The following TOMM20L variants were observed in gnomAD, a reference collection of about 807,000 sequenced individuals.
TOMM20L encodes the protein TOMM20-like protein 1.
A neutral mutation model predicts 20.4 loss-of-function variants in TOMM20L; 19 were observed. The observed-to-expected ratio is 0.93, with a 90% CI of 0.65 to 1.36. The LOEUF (loss-of-function observed/expected upper bound fraction) is 1.36, where lower values mean the gene tolerates loss of function less well. TOMM20L is among the 40% of genes most tolerant of loss of function. TOMM20L has a pLI of 0.00. For missense variants in TOMM20L, 218 were observed against 203.7 expected (o/e 1.07, Z -0.43); for synonymous variants, 75 against 79.6 (o/e 0.94, Z 0.30).
intron 4 of TOMM20L, 138 bp downstream of exon 4, chr14:58,407,606 T>C: frequency 1.1e-6 from 1 of 885,248 alleles, no homozygotes; most frequent in Non-Finnish European, 1.6e-6. Flanking sequence ...TTTTGGCTGC[T>C]TTAACACGAA....
At chr14:58,401,805 C>T (rs902767805) in intron 2 of TOMM20L, among the ~76,000 whole-genome samples, 3 of 152,146 alleles carry the variant, frequency 2.0e-5, no homozygotes, top group African/African-American at 7.2e-5. Flanking sequence ...GAACCAACCG[C>T]AGTAAACCAA....
chr14:58,409,646 T>C (rs904604237), downstream of TOMM20L, among the ~76,000 whole-genome samples: 3 of 151,872 alleles, frequency 2.0e-5, no homozygotes, highest in Non-Finnish European at 2.9e-5. Flanking sequence ...TGGCGTGATC[T>C]CGGCTCACTG....
At chr14:58,402,852 G>GCTAACACATCCAGCT in intron 3 of TOMM20L, 91 bp downstream of exon 3, 2 of 976,310 alleles carry the variant, frequency 2.0e-6, no homozygotes, top group Non-Finnish European at 3.2e-6. Context: ...TAACTAGCTG[G>GCTAACACATCCAGCT]ATGTGTTAGC....
downstream of TOMM20L, chr14:58,411,874 C>T: frequency 6.2e-7 from 1 of 1,609,152 alleles, no homozygotes; most frequent in Non-Finnish European, 8.5e-7. Flanking sequence ...CATTTTTTTG[C>T]AAAATCTTTT....
intron 2 of TOMM20L, among the ~76,000 whole-genome samples, chr14:58,399,410 C>G (rs1040259585): frequency 2.6e-5 from 4 of 152,060 alleles, no homozygotes; most frequent in African/African-American, 9.7e-5. Context: ...GACTGTCAGA[C>G]TTTAGGATCC....
At chr14:58,406,709 A>C (rs2036063289) in intron 3 of TOMM20L, among the ~76,000 whole-genome samples, 1 of 152,224 alleles carries the variant, frequency 6.6e-6, no homozygotes, top group African/African-American at 2.4e-5. Context: ...CCATGTTCTA[A>C]CTTAAACAGA....
rs369036862 is a variant in TOMM20L, at chr14:58,401,265, A to G, written c.181-1415A>G. On this transcript the variant is annotated intron_variant, in intron 2 of 4. Coordinates refer to ENST00000360945, the MANE Select transcript of TOMM20L (RefSeq NM_207377.3). ...GTTACTGATTATTAGTATATTTGAT[A>G]ATACAAGCTTAAAAGGTGACCCCTG... is the stretch of plus-strand genomic sequence containing the variant. Among the ~76,000 whole-genome samples the G allele has an allele frequency of 5.3e-5, 8 of 152,234 alleles. 1 individual carries two copies. The South Asian group carries it at 6.2e-4, about 12-fold the overall frequency.
chr14:58,396,146 G>A, intron 1 of TOMM20L, 53 bp downstream of exon 1: 1 of 1,278,236 alleles, frequency 7.8e-7, no homozygotes, highest in Non-Finnish European at 9.9e-7. Context: ...CGGGCGGGCT[G>A]CCGGCCGGGA....
downstream of TOMM20L, chr14:58,412,196 G>T: frequency 2.6e-6 from 1 of 388,492 alleles, no homozygotes; most frequent in East Asian, 5.0e-5. Context: ...AGGCTGGAGC[G>T]CAGTGGCGCC....
chr14:58,413,670 TC>T (rs1200320522), downstream of TOMM20L, among the ~76,000 whole-genome samples: 2 of 152,174 alleles, frequency 1.3e-5, no homozygotes, highest in African/African-American at 4.8e-5. Context: ...ATTTACTATA[TC>T]CTGGCTAGTT....
downstream of TOMM20L, among the ~76,000 whole-genome samples, chr14:58,412,749 A>T (rs576479259): frequency 1.1e-3 from 164 of 152,188 alleles, no homozygotes; most frequent in Non-Finnish European, 1.5e-3. Flanking sequence ...AAAAATACAA[A>T]AATTGGCCAG....
At chr14:58,401,684 C>G (rs2035995231) in intron 2 of TOMM20L, among the ~76,000 whole-genome samples, 1 of 152,042 alleles carries the variant, frequency 6.6e-6, no homozygotes, top group Non-Finnish European at 1.5e-5. Flanking sequence ...GCTGAAGTAA[C>G]TGGCAGTGGA....
rs1409850140 is a variant in TOMM20L at position 58,404,516 on chromosome 14, GT to G, written c.262+1766del. On this transcript the variant is annotated intron_variant, in intron 3 of 4. Transcript: ENST00000360945. The stretch of plus-strand genomic sequence containing the variant: ...TTCTGTTGTTGTTTTTTTTCAAAAG[GT>G]TTTTTTTTTTAATCTGTAAGGAGCA... Among the ~76,000 whole-genome samples, 46 of 145,528 alleles carry G rather than the reference GT, an allele frequency of 3.2e-4. 1 individual carries two copies. The highest frequency in any genetic ancestry group is 4.4e-4 in the South Asian group (2 of 4,572).
chr14:58,400,956 G>C (rs914238126), intron 2 of TOMM20L, among the ~76,000 whole-genome samples: 4 of 152,138 alleles, frequency 2.6e-5, no homozygotes, highest in Non-Finnish European at 5.9e-5. Flanking sequence ...GCAATTTTGC[G>C]TTGCTTATAC....
downstream of TOMM20L, chr14:58,410,915 G>A: frequency 1.2e-6 from 2 of 1,612,912 alleles, no homozygotes; most frequent in Non-Finnish European, 1.7e-6. Context: ...TAAGTTTATT[G>A]TAGGTCCCCA....
Position 58,407,325 on chromosome 14 carries a change from G to C in TOMM20L, c.263-1G>C. 2 of 1,597,610 alleles carry C rather than the reference G, an allele frequency of 1.3e-6. No individual in the cohort carries two copies. The highest frequency in any genetic ancestry group is 1.7e-6 in the Non-Finnish European group (2 of 1,174,854). On this transcript the variant is annotated splice_acceptor_variant, in intron 3 of 4. Transcript: ENST00000360945. LOFTEE classifies it high-confidence loss of function. ...GCTCAAAACTTGTCATTCTGTTTCAGGAGAGCACAGAATGGGGATTCAACA... is the reference window on the plus strand; with the variant it reads ...GCTCAAAACTTGTCATTCTGTTTCACGAGAGCACAGAATGGGGATTCAACA...
rs1274444643 is a variant in TOMM20L at position 58,396,405 on chromosome 14, T to C, written c.180+64T>C. 5 of 1,585,910 alleles carry C rather than the reference T, an allele frequency of 3.2e-6. No individual in the cohort carries two copies. The East Asian group carries it at 9.0e-5, about 29-fold the overall frequency. On this transcript the variant is annotated intron_variant, in intron 2 of 4. Transcript: ENST00000360945. ...GCAGGTCCGGGCTCGCTGGGTTGCT[T>C]GGCTCCTGGCGGGCTCGGCAGCAGG...
chr14:58,409,101 T>G, downstream of TOMM20L: 1 of 1,613,962 alleles, frequency 6.2e-7, no homozygotes, highest in Non-Finnish European at 8.5e-7. Flanking sequence ...ATGATATTCC[T>G]GAAATCTCAT....
chr14:58,396,499 C>T (rs2035924699), intron 2 of TOMM20L, among the ~76,000 whole-genome samples, 158 bp downstream of exon 2: 1 of 152,212 alleles, frequency 6.6e-6, no homozygotes, highest in Non-Finnish European at 1.5e-5. Context: ...CCGCCTCAGG[C>T]CCAGTCACTC....
Sources: allele counts gnomAD v4.1 joint callset (sites outside exome capture counted in the v4.1 genomes callset), GRCh38; gene constraint gnomAD v4.1.1; transcripts MANE v1.5; gene names NCBI Gene and HGNC (gene_info 2026-07-23, HGNC 2026-07-21).